Variants in NR2C2 observed in about 807,000 individuals in gnomAD.
NR2C2 encodes nuclear receptor subfamily 2 group C member 2.
In NR2C2, 6 loss-of-function variants were observed where a neutral mutation model predicts 62.9. The observed-to-expected ratio is 0.10, with a 90% CI of 0.05 to 0.19. The LOEUF is 0.19. Ranked by LOEUF, NR2C2 falls within the 10% of genes least tolerant of loss-of-function variation. The probability of loss-of-function intolerance (pLI) is 1.00; values close to 1 mark genes in which losing one functional copy is unlikely to be tolerated. For synonymous variants in NR2C2, 272 were observed against 273.8 expected (o/e 0.99, Z 0.07); for missense variants, 479 against 762.7 (o/e 0.63, Z 4.38).
chr3:14,966,814 C>G (rs1158923725), intron 1 of NR2C2, among the ~76,000 whole-genome samples: 2 of 152,156 alleles, frequency 1.3e-5, no homozygotes, highest in East Asian at 1.9e-4. Flanking sequence ...TTCAGAGAGA[C>G]AGTTGAATAT....
At chr3:14,981,964 A>C (rs2040382679) in intron 1 of NR2C2, among the ~76,000 whole-genome samples, 1 of 152,200 alleles carries the variant, frequency 6.6e-6, no homozygotes, top group African/African-American at 2.4e-5. Flanking sequence ...GCTTTCTCAG[A>C]TTGAGGGTGG....
intron 1 of NR2C2, among the ~76,000 whole-genome samples, chr3:14,968,556 C>T (rs1167839045): frequency 6.6e-6 from 1 of 150,474 alleles, no homozygotes; most frequent in East Asian, 1.9e-4. Flanking sequence ...ACTAGTTCAA[C>T]CATTGTGGAA....
intron 4 of NR2C2, among the ~76,000 whole-genome samples, chr3:15,017,929 G>T (rs376198322): frequency 2.1e-4 from 32 of 152,348 alleles, no homozygotes; most frequent in Middle Eastern, 3.4e-3. Context: ...TCCATGGTCA[G>T]TCTCAGCTGG....
At chr3:14,972,662 A>G (rs368885661) in intron 1 of NR2C2, among the ~76,000 whole-genome samples, 352 of 152,276 alleles carry the variant, frequency 2.3e-3, no homozygotes, top group African/African-American at 8.0e-3. Context: ...ATAAAGGAAT[A>G]CCTGAGGCTG....
intron 1 of NR2C2, among the ~76,000 whole-genome samples, chr3:14,971,966 G>A (rs1336495684): frequency 6.6e-6 from 1 of 150,440 alleles, no homozygotes; most frequent in African/African-American, 2.4e-5. Context: ...GCGCCACCAC[G>A]CCCAGGTGAT....
chr3:15,037,026 G>A (rs1251211724), intron 11 of NR2C2, among the ~76,000 whole-genome samples: 3 of 151,954 alleles, frequency 2.0e-5, no homozygotes, highest in African/African-American at 7.3e-5. Context: ...CTAGGCTGAG[G>A]TAGGAAAATC....
intron 1 of NR2C2, among the ~76,000 whole-genome samples, chr3:14,980,801 CAT>C (rs1491248332): frequency 6.6e-6 from 1 of 152,066 alleles, no homozygotes; most frequent in Admixed American, 6.5e-5. Context: ...GGGAGAAATG[CAT>C]AAAGATAGAG....
intron 9 of NR2C2, 37 bp downstream of exon 9, chr3:15,030,489 G>T: frequency 6.5e-7 from 1 of 1,530,292 alleles, no homozygotes; most frequent in Non-Finnish European, 8.8e-7. Flanking sequence ...CCCCCAACCT[G>T]CTGGGGGATA....
At chr3:15,020,511 A>G (rs904216146) in intron 4 of NR2C2, among the ~76,000 whole-genome samples, 1 of 152,218 alleles carries the variant, frequency 6.6e-6, no homozygotes, top group Non-Finnish European at 1.5e-5. Flanking sequence ...CAGCTGTCAT[A>G]TAACCTGTCT....
chr3:15,003,991 C>G lies in NR2C2; in HGVS notation c.72+5C>G. 1 of 1,604,920 alleles carries G rather than the reference C, an allele frequency of 6.2e-7. No homozygotes were observed. Among genetic ancestry groups the G allele is most frequent in the South Asian group, 1.1e-5 (1 of 89,756 alleles). On this transcript the variant is annotated splice_donor_5th_base_variant and intron_variant, in intron 2 of 13. Transcript: ENST00000425241. Reference sequence around the variant, plus strand: ...GCCTCACCTCAGCGCATTCAGGTACCTGCAACCTGCCAATGGCAACCCTGC... The same window carrying G: ...GCCTCACCTCAGCGCATTCAGGTACGTGCAACCTGCCAATGGCAACCCTGC...
intron 1 of NR2C2, among the ~76,000 whole-genome samples, chr3:14,968,235 C>T (rs1574939097): frequency 6.6e-6 from 1 of 152,302 alleles, no homozygotes; most frequent in East Asian, 1.9e-4. Flanking sequence ...TCGCAACCTG[C>T]TCATCTGACA....
intron 10 of NR2C2, among the ~76,000 whole-genome samples, chr3:15,033,369 A>G (rs559156309): frequency 3.9e-5 from 6 of 152,286 alleles, no homozygotes; most frequent in African/African-American, 1.2e-4. Context: ...TTTCAGATCT[A>G]TAAAGCTCTT....
intron 6 of NR2C2, 21 bp from the exon 7 acceptor site, chr3:15,024,094 G>A (rs367955638): frequency 6.4e-7 from 1 of 1,566,220 alleles, no homozygotes; most frequent in Non-Finnish European, 8.8e-7. Context: ...GCTACTCTGA[G>A]TTTCTTTATG....
chr3:14,972,635 T>G (rs2040077122), intron 1 of NR2C2, among the ~76,000 whole-genome samples: 1 of 152,210 alleles, frequency 6.6e-6, no homozygotes, highest in Admixed American at 6.5e-5. Context: ...ATTGTAGTAG[T>G]CCATTCTTGC....
At chr3:14,955,688 A>C (rs954076701) in intron 1 of NR2C2, among the ~76,000 whole-genome samples, 8 of 152,222 alleles carry the variant, frequency 5.3e-5, no homozygotes, top group African/African-American at 1.9e-4. Context: ...TTTGATTTAA[A>C]GCACATTGTG....
intron 7 of NR2C2, chr3:15,026,218 C>T (rs1360831590): frequency 6.6e-6 from 1 of 152,128 alleles, no homozygotes; most frequent in Non-Finnish European, 1.5e-5. Context: ...GACGGTGTTT[C>T]ACCATGTTGC....
At chr3:14,990,034 T>G (rs1410630488) in intron 1 of NR2C2, among the ~76,000 whole-genome samples, 1 of 149,342 alleles carries the variant, frequency 6.7e-6, no homozygotes, top group African/African-American at 2.5e-5. Flanking sequence ...GCCCAGGAGG[T>G]CAAGGCTGCA....
At chr3:14,967,351 C>A (rs1222886066) in intron 1 of NR2C2, among the ~76,000 whole-genome samples, 1 of 151,394 alleles carries the variant, frequency 6.6e-6, no homozygotes, top group Non-Finnish European at 1.5e-5. Context: ...TTTTCTGTTT[C>A]TTTAATTTTT....
chr3:14,950,888 G>A (rs1258041734), intron 1 of NR2C2, among the ~76,000 whole-genome samples: 2 of 152,168 alleles, frequency 1.3e-5, no homozygotes, highest in African/African-American at 4.8e-5. Context: ...AGATAGCACT[G>A]CCAGCAATAA....
Sources: gnomAD v4.1 joint callset for allele counts (sites outside exome capture counted in the v4.1 genomes callset) on GRCh38, gnomAD v4.1.1 for gene constraint, MANE v1.5 for transcripts, NCBI Gene and HGNC (gene_info 2026-07-23, HGNC 2026-07-21) for gene names.